Variants in ZNF554 observed in about 807,000 individuals in gnomAD.
ZNF554 encodes the protein zinc finger protein 554.
A neutral mutation model predicts 21.2 loss-of-function variants in ZNF554; 15 were observed. That is an observed-to-expected ratio of 0.71 (90% confidence interval 0.47 to 1.09). ZNF554 has a LOEUF of 1.09. Ranked by LOEUF, ZNF554 falls within the 50% of genes least tolerant of loss-of-function variation. The probability of loss-of-function intolerance (pLI) is 0.00; values close to 1 mark genes in which losing one functional copy is unlikely to be tolerated. For missense variants in ZNF554, 691 were observed against 662.7 expected (o/e 1.04, Z -0.47); for synonymous variants, 258 against 251.4 (o/e 1.03, Z -0.25).
chr19:2,824,392 A>G (rs1439675185), intron 2 of ZNF554, among the ~76,000 whole-genome samples: 1 of 152,168 alleles, frequency 6.6e-6, no homozygotes, highest in Non-Finnish European at 1.5e-5. Context: ...GGCTCCCACT[A>G]GCTCCATGGA....
chr19:2,828,523 T>C (rs1218790140), intron 3 of ZNF554, among the ~76,000 whole-genome samples: 1 of 151,930 alleles, frequency 6.6e-6, no homozygotes, highest in Non-Finnish European at 1.5e-5. Context: ...ACCCTGTCTC[T>C]ACTAAAAATG....
At chr19:2,820,734 G>T (rs550685384) in intron 1 of ZNF554, among the ~76,000 whole-genome samples, 1 of 139,912 alleles carries the variant, frequency 7.1e-6, no homozygotes, top group African/African-American at 2.8e-5. Context: ...GCATGATCTC[G>T]GCTCACTGCA....
Position 2,834,588 on chromosome 19 carries a change from CA to C in ZNF554, c.1355del (p.Asn452ThrfsTer29). On this transcript the variant is annotated frameshift_variant, in exon 5 of 5. Coordinates refer to ENST00000317243, the MANE Select transcript of ZNF554 (RefSeq NM_001102651.2). LOFTEE classifies it low-confidence loss of function (END_TRUNC). ...GKAFSDRSSL[N>X]QHERTHTGEN... ...AGGCCTTCAGTGACCGTTCCTCTCT[CA>C]ACCAGCACGAGCGAACTCACACGGG... 6.2e-7 allele frequency: 1 copy of C among 1,614,064 alleles called. No homozygotes were observed. The highest frequency in any genetic ancestry group is 2.2e-5 in the East Asian group (1 of 44,870).
Position 2,834,037 on chromosome 19 carries a change from G to A in ZNF554, c.802G>A (p.Ala268Thr), listed in dbSNP as rs756093056. The A allele has an allele frequency of 1.2e-5, 20 of 1,614,132 alleles. No individual in the cohort carries two copies. Among genetic ancestry groups the A allele is most frequent in the Non-Finnish European group, 1.5e-5 (18 of 1,180,032 alleles). The change falls in exon 5 of 5, where the codon GCA (alanine) becomes ACA (threonine). Residue 268 changes from alanine to threonine, a missense_variant. By Grantham distance (58) the Ala-to-Thr change is moderately conservative. Coordinates refer to ENST00000317243, the MANE Select transcript of ZNF554 (RefSeq NM_001102651.2). ...CTTAAACCACCATCAGCTGGGATAT[G>A]CAGATCGGAGACCTTGTGAAAGTAA... is the stretch of plus-strand genomic sequence containing the variant. ...SVLNHHQLGY[A>T]DRRPCESNEC... is the part of the protein sequence containing the mutation.
In ZNF554 at chr19:2,833,678, C is replaced by T. The variant is rs778479448; in HGVS notation, c.446-3C>T. ...AAATGGTTTCCGCCTCAATTTATTT[C>T]AGATTGGATGACTGTACTAAGAAAC... On this transcript the variant is annotated splice_region_variant and splice_polypyrimidine_tract_variant and intron_variant, in intron 4 of 4. Coordinates refer to ENST00000317243, the MANE Select transcript of ZNF554 (RefSeq NM_001102651.2). 7.3e-6 allele frequency: 11 copies of T among 1,510,502 alleles called. No homozygotes were observed. In the East Asian group the frequency reaches 2.5e-4, roughly 34 times the overall value. The allele number at this position is 1,510,502 out of a possible 1,614,324, so 93.6% of individuals were successfully genotyped here.
At chr19:2,822,871 C>T (rs1158516219) in intron 1 of ZNF554, among the ~76,000 whole-genome samples, 169 bp from the exon 2 acceptor site, 3 of 152,198 alleles carry the variant, frequency 2.0e-5, no homozygotes, top group Non-Finnish European at 4.4e-5. Flanking sequence ...GAGACCCTAT[C>T]TCTTAAAAAA....
Position 2,827,684 on chromosome 19 carries a change from C to T in ZNF554, c.194C>T (p.Ala65Val). Residue 65 changes from alanine to valine, a missense_variant, in exon 3 of 5, where the codon GCT becomes GTT. Coordinates refer to ENST00000317243, the MANE Select transcript of ZNF554 (RefSeq NM_001102651.2). ...GAGGAGTGGGAGTTGCTGGAGCCTG[C>T]TCAGAAGAACCTGTACAGAGAGGTG... Reference protein sequence around the residue: ...SQEEWELLEPAQKNLYREVML... With the variant: ...SQEEWELLEPVQKNLYREVML... 1 of 1,614,102 alleles carries T rather than the reference C, an allele frequency of 6.2e-7. No homozygotes were observed. The highest frequency in any genetic ancestry group is 8.5e-7 in the Non-Finnish European group (1 of 1,179,988).
In ZNF554 at chr19:2,821,712, G is replaced by T. The variant is rs977768547; in HGVS notation, c.54-1328G>T. On this transcript the variant is annotated intron_variant, in intron 1 of 4. Coordinates refer to ENST00000317243, the MANE Select transcript of ZNF554 (RefSeq NM_001102651.2). This position sits in a 1 kb window ranked among gnomAD's most constrained non-coding sequence, Gnocchi z 8.2. ...AGATGGGGTCTCGGTCTGTCACCTG[G>T]CTGGAGTGCAGTGGCACGATCTCGG... Among the ~76,000 whole-genome samples the T allele has an allele frequency of 1.3e-5, 2 of 149,268 alleles. No individual in the cohort carries two copies. The highest frequency in any genetic ancestry group is 3.9e-4 in the East Asian group (2 of 5,176).
rs80351238 is a variant in ZNF554, at chr19:2,825,452, C to T, written c.127-2165C>T. On this transcript the variant is annotated intron_variant, in intron 2 of 4. Coordinates refer to ENST00000317243, the MANE Select transcript of ZNF554 (RefSeq NM_001102651.2). ...TCAGCCTCCCAAGTAGCTGAGATTA[C>T]GGCACTCGCCACCATGCCTGGCTAA... Among the ~76,000 whole-genome samples, 28 of 152,078 alleles carry T rather than the reference C, an allele frequency of 1.8e-4. No homozygotes were observed. In the East Asian group the frequency reaches 3.7e-3, roughly 20 times the overall value.
chr19:2,823,141 A>C (rs1438755815), intron 2 of ZNF554, 29 bp downstream of exon 2: 1 of 1,604,064 alleles, frequency 6.2e-7, no homozygotes, highest in South Asian at 1.1e-5. Context: ...CCCAAAGGGC[A>C]CCCAGTATAT....
chr19:2,820,013 GGCCT>G lies in ZNF554; in HGVS notation c.-56_-53del. 8.5e-7 allele frequency: 1 copy of G among 1,177,588 alleles called. No individual in the cohort carries two copies. Among genetic ancestry groups the G allele is most frequent in the Admixed American group, 4.5e-5 (1 of 22,372 alleles). 72.9% of individuals were successfully genotyped at this position (1,177,588 alleles called of 1,614,324 possible). A position where few individuals can be genotyped will look rare whatever the true frequency, so the allele number is the denominator to read the frequency against. On this transcript the variant is annotated 5_prime_UTR_variant, in exon 1 of 5. Transcript: ENST00000317243. ...CAGGGACACGCAGGGGAGGCCGGCC[GGCCT>G]GCACGGGGCGCTCCCGCCTCGGGGG... is the stretch of plus-strand genomic sequence containing the variant.
chr19:2,823,181 G>A, intron 2 of ZNF554, 69 bp downstream of exon 2: 1 of 1,494,656 alleles, frequency 6.7e-7, no homozygotes, highest in Admixed American at 1.9e-5. Context: ...CAGAAACTCA[G>A]TCCTCGATAG....
intron 3 of ZNF554, among the ~76,000 whole-genome samples, chr19:2,828,807 G>T (rs1474133843): frequency 6.6e-6 from 1 of 152,078 alleles, no homozygotes; most frequent in Non-Finnish European, 1.5e-5. Context: ...AGCAAGAGAG[G>T]GAAGAGAGCA....
At position 2,819,962 on chromosome 19, in the gene ZNF554, C is replaced by G. The variant is rs887982398; in HGVS notation, c.-110C>G. 76 of 892,914 alleles carry G rather than the reference C, an allele frequency of 8.5e-5. No homozygotes were observed. In the East Asian group the frequency reaches 2.8e-3, roughly 33 times the overall value. The allele number at this position is 892,914 out of a possible 1,614,324, so 55.3% of individuals were successfully genotyped here. A position where few individuals can be genotyped will look rare whatever the true frequency, so the allele number is the denominator to read the frequency against. On this transcript the variant is annotated 5_prime_UTR_variant, in exon 1 of 5. Coordinates refer to ENST00000317243, the MANE Select transcript of ZNF554 (RefSeq NM_001102651.2). The stretch of plus-strand genomic sequence containing the variant: ...TGCGGGGGGCGTCCGCTCCGAGCGC[C>G]GAGGAGCCGAGCGGAGGAGGCGTCC...
chr19:2,825,927 T>A (rs972599388), intron 2 of ZNF554, among the ~76,000 whole-genome samples: 2 of 151,890 alleles, frequency 1.3e-5, no homozygotes, highest in Non-Finnish European at 2.9e-5. Context: ...TGAGATGGAG[T>A]TTCACTCTTG....
chr19:2,829,779 C>T (rs2087388173), intron 3 of ZNF554, among the ~76,000 whole-genome samples: 1 of 152,132 alleles, frequency 6.6e-6, no homozygotes, highest in South Asian at 2.1e-4. Context: ...GCATGTACTA[C>T]AGCCACCACA....
Position 2,819,973 on chromosome 19 carries a change from G to A in ZNF554, c.-99G>A. 1 of 979,622 alleles carries A rather than the reference G, an allele frequency of 1.0e-6. No homozygotes were observed. 60.7% of individuals were successfully genotyped at this position (979,622 alleles called of 1,614,324 possible). A position where few individuals can be genotyped will look rare whatever the true frequency, so the allele number is the denominator to read the frequency against. ...TCCGCTCCGAGCGCCGAGGAGCCGA[G>A]CGGAGGAGGCGTCCCAGGGACACGC... On this transcript the variant is annotated 5_prime_UTR_variant, in exon 1 of 5. Transcript: ENST00000317243.
In ZNF554 at chr19:2,835,053, C is replaced by T. The variant is rs1458260308; in HGVS notation, c.*201C>T. 2 of 558,690 alleles carry T rather than the reference C, an allele frequency of 3.6e-6. No homozygotes were observed. The highest frequency in any genetic ancestry group is 3.8e-5 in the African/African-American group (2 of 53,186). The allele number at this position is 558,690 out of a possible 1,614,324, so 34.6% of individuals were successfully genotyped here. A position where few individuals can be genotyped will look rare whatever the true frequency, so the allele number is the denominator to read the frequency against. ...GGAGTCTGCCACCCAGGCTGGAGTC[C>T]AGTGGCGTGATCATACCTCACTGCA... On this transcript the variant is annotated 3_prime_UTR_variant, in exon 5 of 5. Coordinates refer to ENST00000317243, the MANE Select transcript of ZNF554 (RefSeq NM_001102651.2).
Position 2,834,839 on chromosome 19 carries a change from T to G in ZNF554, c.1604T>G (p.Leu535Arg). ...AAAGCGTTCTACCAGAACAGACATC[T>G]TATTGGATATTAGCAATTGCACGCT... ...CGKAFYQNRH[L>R]IGY Residue 535 changes from leucine to arginine, a missense_variant, in exon 5 of 5, where the codon CTT becomes CGT. Coordinates refer to ENST00000317243, the MANE Select transcript of ZNF554 (RefSeq NM_001102651.2). The G allele has an allele frequency of 6.3e-7, 1 of 1,586,852 alleles. No individual in the cohort carries two copies. The highest frequency in any genetic ancestry group is 8.6e-7 in the Non-Finnish European group (1 of 1,163,424).
Sources: gnomAD v4.1 joint callset for allele counts (sites outside exome capture counted in the v4.1 genomes callset) on GRCh38, gnomAD v4.1.1 for gene constraint, Gnocchi (gnomAD v3.1) non-coding constraint, MANE v1.5 for transcripts, NCBI Gene and HGNC (gene_info 2026-07-23, HGNC 2026-07-21) for gene names.